The following FGR variants were observed in gnomAD, a reference collection of about 807,000 sequenced individuals.
The protein encoded by FGR is FGR proto-oncogene, Src family tyrosine kinase, also known as tyrosine-protein kinase Fgr.
A neutral mutation model predicts 63.2 loss-of-function variants in FGR; 26 were observed. That is an observed-to-expected ratio of 0.41 (90% CI 0.30 to 0.57). FGR has a LOEUF of 0.57. FGR is among the 20% of genes least tolerant of loss of function. The pLI is 0.27. For synonymous variants in FGR, 286 were observed against 277.7 expected (o/e 1.03, Z -0.30); for missense variants, 511 against 690.8 (o/e 0.74, Z 2.92).
chr1:27,623,070 C>T lies in FGR; in HGVS notation c.301G>A (p.Gly101Ser). 1 of 1,614,116 alleles carries T rather than the reference C, an allele frequency of 6.2e-7. No homozygotes were observed. Among genetic ancestry groups the T allele is most frequent in the Middle Eastern group, 1.7e-4 (1 of 6,060 alleles). The stretch of plus-strand genomic sequence containing the variant: ...TTGTTCAGGATGTGGAACTTCTCGC[C>T]CTTGGTGAAGGTGAGGTCATCCTCA... The part of the protein sequence containing the change: ...RTEDDLTFTK[G>S]EKFHILNNTE... Residue 101 changes from glycine (G) to serine (S), a missense_variant, in exon 4 of 13, where the codon GGC becomes AGC. Physicochemically the swap from Gly to Ser is moderately conservative, Grantham distance 56. Transcript: ENST00000374005.
At chr1:27,613,694 CAAAAAAAAAAAAAA>C (rs56363244) in intron 11 of FGR, among the ~76,000 whole-genome samples, 3 of 74,258 alleles carry the variant, frequency 4.0e-5, no homozygotes, top group African/African-American at 1.2e-4. Flanking sequence ...GACTCCATCT[CAAAAAAAAAAAAAA>C]AAAAAAAAAA....
chr1:27,623,892 A>G lies in FGR; in HGVS notation c.25T>C (p.Leu9=). The G allele has an allele frequency of 1.2e-6, 2 of 1,603,634 alleles. No individual in the cohort carries two copies. Among genetic ancestry groups the G allele is most frequent in the Non-Finnish European group, 8.5e-7 (1 of 1,172,978 alleles). The change falls in exon 3 of 13, where the codon TTG becomes CTG. Residue 9 remains leucine, a synonymous_variant. Transcript: ENST00000374005. MGCVFCKK[L]EPVATAKEDA... The stretch of plus-strand genomic sequence containing the variant: ...TCCTTGGCCGTGGCCACCGGCTCCA[A>G]TTTCTTGCAGAACACACAGCCCATT...
rs957124237 is a variant in FGR, at chr1:27,615,489, C to T, written c.963G>A (p.Leu321=). 1.1e-5 allele frequency: 18 copies of T among 1,613,304 alleles called. No homozygotes were observed. The highest frequency in any genetic ancestry group is 2.2e-5 in the East Asian group (1 of 44,850). Residue 321 remains leucine (L), a synonymous_variant, in exon 9 of 13, where the codon CTG becomes CTA. Transcript: ENST00000374005. The surrounding 1 kb of genome is among the most constrained non-coding windows in gnomAD (Gnocchi z 7.6). The part of the protein sequence containing the change: ...KLLRHDKLVQ[L]YAVVSEEPIY... ...TGGGCTCCTCCGACACCACGGCGTA[C>T]AGCTGCACCAGCTTGTCGTGCCGCA... is the stretch of plus-strand genomic sequence containing the variant.
At chr1:27,623,428 C>T in intron 3 of FGR, 1 of 599,064 alleles carries the variant, frequency 1.7e-6, no homozygotes. Context: ...CCTAAAAGGG[C>T]AAGAAGTTTC....
intron 1 of FGR, among the ~76,000 whole-genome samples, chr1:27,634,574 TCTC>T: frequency 6.6e-6 from 1 of 151,902 alleles, no homozygotes; most frequent in African/African-American, 2.4e-5. Context: ...CAGAAGTCGT[TCTC>T]CTCAACCCCC....
rs1247815071 is a variant in FGR at position 27,612,762 on chromosome 1, T to C, written c.*152A>G. On this transcript the variant is annotated 3_prime_UTR_variant, in exon 13 of 13. Coordinates refer to ENST00000374005, the MANE Select transcript of FGR (RefSeq NM_005248.3). ...CCTTTTGCCCCATCTGTAAAACAAGTAGGTTGCCCTAGGTGGTGTCAGAGC... is the reference window on the plus strand; with the variant it reads ...CCTTTTGCCCCATCTGTAAAACAAGCAGGTTGCCCTAGGTGGTGTCAGAGC... The C allele has an allele frequency of 1.5e-6, 1 of 654,462 alleles. No individual in the cohort carries two copies. The highest frequency in any genetic ancestry group is 2.6e-6 in the Non-Finnish European group (1 of 381,584). 40.5% of individuals were successfully genotyped at this position (654,462 alleles called of 1,614,324 possible).
chr1:27,621,465 C>T (rs953123511), intron 5 of FGR, 94 bp downstream of exon 5: 48 of 833,302 alleles, frequency 5.8e-5, no homozygotes, highest in Admixed American at 5.4e-4. Flanking sequence ...GAGACAGGCT[C>T]GGACTGGAGC....
rs1396947832 is a variant in FGR at position 27,615,584 on chromosome 1, C to T, written c.868G>A (p.Val290Met). The T allele has an allele frequency of 6.2e-7, 1 of 1,612,910 alleles. No homozygotes were observed. The highest frequency in any genetic ancestry group is 1.3e-5 in the African/African-American group (1 of 75,024). The change falls in exon 9 of 13, where the codon GTG (valine) becomes ATG (methionine). Residue 290 changes from valine (V) to methionine (M), a missense_variant. By Grantham distance (21) the Val-to-Met change is conservative (BLOSUM62 1). Coordinates refer to ENST00000374005, the MANE Select transcript of FGR (RefSeq NM_005248.3). This position sits in a 1 kb window ranked among gnomAD's most constrained non-coding sequence, Gnocchi z 7.6. ...ATGGTGCCCGGCTTCAGCGTCTTCA[C>T]CGCCACCTTAGTGCTGCCGTTCCAC... ...GTWNGSTKVA[V>M]KTLKPGTMSP...
Position 27,616,989 on chromosome 1 carries a change from T to C in FGR, c.550A>G (p.Ile184Val). 6.2e-7 allele frequency: 1 copy of C among 1,614,148 alleles called. No homozygotes were observed. The highest frequency in any genetic ancestry group is 8.5e-7 in the Non-Finnish European group (1 of 1,179,984). Reference protein sequence around the residue: ...ETTKGAYSLSIRDWDQTRGDH... With the variant: ...ETTKGAYSLSVRDWDQTRGDH... ...CCTCTGGTCTGATCCCAGTCCCGGA[T>C]GGACAGGGAGTAGGCACCTGTGGAG... The change falls in exon 7 of 13, where the codon ATC (isoleucine) becomes GTC (valine). Residue 184 changes from isoleucine to valine, a missense_variant. Ile to Val is a conservative substitution (Grantham distance 29). Coordinates refer to ENST00000374005, the MANE Select transcript of FGR (RefSeq NM_005248.3). This position sits in a 1 kb window ranked among gnomAD's most constrained non-coding sequence, Gnocchi z 4.3.
At position 27,626,924 on chromosome 1, in the gene FGR, T is replaced by C. The variant is rs534523525; in HGVS notation, c.-76-1773A>G. On this transcript the variant is annotated intron_variant, in intron 1 of 12. Coordinates refer to ENST00000374005, the MANE Select transcript of FGR (RefSeq NM_005248.3). ...GTTCACACCTGCTATCCCAGGACTT[T>C]GGTAGGCCGAGGCAGGATGATTGCT... Among the ~76,000 whole-genome samples, 5 of 152,098 alleles carry C rather than the reference T, an allele frequency of 3.3e-5. No homozygotes were observed. The East Asian group carries it at 5.8e-4, about 18-fold the overall frequency.
Position 27,613,040 on chromosome 1 carries a change from G to T in FGR, c.1464C>A (p.Tyr488Ter). The T allele has an allele frequency of 6.2e-7, 1 of 1,614,200 alleles. No individual in the cohort carries two copies. Among genetic ancestry groups the T allele is most frequent in the Middle Eastern group, 1.6e-4 (1 of 6,062 alleles). ...PCPPGCPASL[Y>*]EAMEQTWRLD... Reference sequence around the variant, plus strand: ...GACGCCAGGTCTGTTCCATGGCCTCGTACAGGGATGCTGGGCAGCCTGGAG... The same window carrying T: ...GACGCCAGGTCTGTTCCATGGCCTCTTACAGGGATGCTGGGCAGCCTGGAG... Residue 488 changes from tyrosine (Y) to a stop codon, truncating the protein, a stop_gained, in exon 13 of 13, where the codon TAC becomes TAA. Transcript: ENST00000374005. LOFTEE classifies it high-confidence loss of function.
chr1:27,632,227 C>T (rs1167689442), intron 1 of FGR, among the ~76,000 whole-genome samples: 1 of 151,752 alleles, frequency 6.6e-6, no homozygotes, highest in East Asian at 1.9e-4. Flanking sequence ...ACCTCTGCCT[C>T]CCGGGTTCAA....
chr1:27,612,161 C>T lies in FGR; in HGVS notation c.*753G>A, dbSNP rs187838098. 6.6e-6 allele frequency: 1 copy of T among 152,232 alleles called. No homozygotes were observed. Among genetic ancestry groups the T allele is most frequent in the Non-Finnish European group, 1.5e-5 (1 of 68,040 alleles). The allele number at this position is 152,232 out of a possible 1,614,324, so 9.4% of individuals were successfully genotyped here. ...GGACTCTGGGTGTTCTAAAACTCCA[C>T]ACCTTGGATGCCCCGTGCTTGGTAG... On this transcript the variant is annotated 3_prime_UTR_variant, in exon 13 of 13. Coordinates refer to ENST00000374005, the MANE Select transcript of FGR (RefSeq NM_005248.3).
rs115257806 is a variant in FGR at position 27,618,120 on chromosome 1, C to T, written c.429-824G>A. Among the ~76,000 whole-genome samples the T allele has an allele frequency of 1.6e-3, 245 of 152,182 alleles. 3 individuals are homozygous for T. The highest frequency in any genetic ancestry group is 4.0e-3 in the African/African-American group (168 of 41,502). ...TCAGTGGACCCTGGGAAGGTCAGTC[C>T]GCCCCTGGGTACTAGGCACAGTTCA... On this transcript the variant is annotated intron_variant, in intron 5 of 12. Transcript: ENST00000374005.
intron 5 of FGR, among the ~76,000 whole-genome samples, chr1:27,620,259 G>C (rs2089896877): frequency 6.6e-6 from 1 of 152,162 alleles, no homozygotes; most frequent in South Asian, 2.1e-4. Flanking sequence ...GGAGGTTGCA[G>C]TGAGCCAAGA....
chr1:27,628,110 C>T (rs902622974), intron 1 of FGR, among the ~76,000 whole-genome samples: 1 of 150,242 alleles, frequency 6.7e-6, no homozygotes, highest in African/African-American at 2.5e-5. Flanking sequence ...AAAAATTGGC[C>T]AGGCACGGTG....
chr1:27,630,352 C>T (rs887929561), intron 1 of FGR, among the ~76,000 whole-genome samples: 1 of 152,168 alleles, frequency 6.6e-6, no homozygotes, highest in African/African-American at 2.4e-5. Flanking sequence ...TGCACCCGGC[C>T]TTTTTTGCAA....
At chr1:27,628,090 CA>C (rs2090049609) in intron 1 of FGR, among the ~76,000 whole-genome samples, 1 of 144,756 alleles carries the variant, frequency 6.9e-6, no homozygotes, top group Admixed American at 7.1e-5. Context: ...CCCATCTCTA[CA>C]AAAAATACAA....
rs779390995 is a variant in FGR at position 27,614,501 on chromosome 1, C to T, written c.1178G>A (p.Arg393Gln). ...AAAGTCTGCGATCTTGCACGCCAGC[C>T]GCTCCCCAACCAGGATGTTGGCTGC... ...LRAANILVGE[R>Q]LACKIADFGL... The change falls in exon 11 of 13, where the codon CGG becomes CAG. Residue 393 changes from arginine (R) to glutamine (Q), a missense_variant. Arg to Gln is a conservative substitution (Grantham distance 43). Coordinates refer to ENST00000374005, the MANE Select transcript of FGR (RefSeq NM_005248.3). The T allele has an allele frequency of 6.2e-7, 1 of 1,613,976 alleles. No homozygotes were observed.
Sources: allele counts gnomAD v4.1 joint callset (sites outside exome capture counted in the v4.1 genomes callset), GRCh38; gene constraint gnomAD v4.1.1; non-coding constraint Gnocchi (gnomAD v3.1); transcripts MANE v1.5; gene names NCBI Gene and HGNC (gene_info 2026-07-23, HGNC 2026-07-21).